The following AVEN variants were observed in gnomAD, a reference collection of about 807,000 sequenced individuals.
AVEN encodes apoptosis and caspase activation inhibitor.
A neutral mutation model predicts 38.1 loss-of-function variants in AVEN; 41 were observed. The observed-to-expected ratio is 1.08, with a 90% confidence interval of 0.84 to 1.40. The LOEUF is 1.40. Ranked by LOEUF, AVEN falls within the 40% of genes most tolerant of loss-of-function variation. AVEN has a pLI of 0.00. For missense variants in AVEN, 605 were observed against 438.8 expected, an observed-to-expected ratio of 1.38 and a Z score of -3.38; for synonymous variants, 206 against 171.8, an observed-to-expected ratio of 1.20 and a Z score of -1.56.
chr15:33,953,124 T>A lies in AVEN; in HGVS notation c.445+49908A>T, dbSNP rs568576954. ...CAAGGAGAACTACAAACCACTGCTC[T>A]ACGAAATAAAGAGGACACAAACAAG... On this transcript the variant is annotated intron_variant, in intron 2 of 5. Coordinates refer to ENST00000306730, the MANE Select transcript of AVEN (RefSeq NM_020371.3). 2.4e-3 allele frequency among the ~76,000 whole-genome samples: 369 copies of A among 152,096 alleles called. 3 individuals carry two copies. The highest frequency in any genetic ancestry group is 8.6e-3 in the African/African-American group (358 of 41,512).
At chr15:33,912,895 TTTTTTTTTTTTGA>T (rs1442453665) in intron 2 of AVEN, among the ~76,000 whole-genome samples, 1 of 152,032 alleles carries the variant, frequency 6.6e-6, no homozygotes, top group Non-Finnish European at 1.5e-5. Flanking sequence ...ATAATTTTTT[TTTTTTTTTTTTGA>T]GACAGAGTTT....
At position 33,866,614 on chromosome 15, in the gene AVEN, T is replaced by C. The variant is rs760267332; in HGVS notation, c.1088A>G (p.Ter363=). The C allele has an allele frequency of 1.9e-6, 3 of 1,611,956 alleles. No homozygotes were observed. The highest frequency in any genetic ancestry group is 8.5e-7 in the Non-Finnish European group (1 of 1,178,840). ...CTTCAGGCACTTTTTTTCCCCTTTTTAGGAAATCATGCTGTCCAACCAGTC... is the reference window on the plus strand; with the variant it reads ...CTTCAGGCACTTTTTTTCCCCTTTTCAGGAAATCATGCTGTCCAACCAGTC... ...LEDWLDSMIS[*] is the part of the protein sequence containing the mutation. Residue 363 remains the stop codon, a stop_retained_variant, in exon 6 of 6, where the codon TAA becomes TGA. Transcript: ENST00000306730.
chr15:34,066,656 T>C (rs1034428912), intron 3 of AVEN: 1 of 152,084 alleles, frequency 6.6e-6, no homozygotes, highest in Non-Finnish European at 1.5e-5. Context: ...AAATTTTAAA[T>C]ACCTGGGCAT....
intron 2 of AVEN, among the ~76,000 whole-genome samples, chr15:33,921,079 C>T (rs1372389769): frequency 6.6e-6 from 1 of 152,172 alleles, no homozygotes; most frequent in Non-Finnish European, 1.5e-5. Flanking sequence ...CCTGGCCCTT[C>T]CTCGTGTTTC....
chr15:34,021,573 G>A (rs906197980), intron 1 of AVEN, among the ~76,000 whole-genome samples: 4 of 152,170 alleles, frequency 2.6e-5, no homozygotes, highest in Admixed American at 1.3e-4. Flanking sequence ...ACTTACACAT[G>A]GCCGTGTAAG....
intron 2 of AVEN, among the ~76,000 whole-genome samples, chr15:33,898,571 C>CCT (rs55801318): frequency 0.71 from 107,092 of 151,762 alleles, 38,086 homozygotes; most frequent in African/African-American, 0.78. Flanking sequence ...GGCCTTCTTC[C>CCT]CTGTGTCTCT....
intron 5 of AVEN, among the ~76,000 whole-genome samples, chr15:34,053,326 A>G (rs1157165610): frequency 1.5e-5 from 2 of 133,540 alleles, no homozygotes; most frequent in Admixed American, 1.5e-4. Flanking sequence ...AAAAATATAT[A>G]TATATATATA....
At chr15:33,936,658 T>C (rs1276304958) in intron 2 of AVEN, among the ~76,000 whole-genome samples, 2 of 152,184 alleles carry the variant, frequency 1.3e-5, no homozygotes, top group African/African-American at 4.8e-5. Flanking sequence ...GCATGAGTGA[T>C]TTAATCAACT....
At chr15:33,989,961 T>G (rs1257921089) in intron 2 of AVEN, among the ~76,000 whole-genome samples, 3 of 151,242 alleles carry the variant, frequency 2.0e-5, no homozygotes, top group African/African-American at 7.3e-5. Context: ...CCCAGCACTT[T>G]GGGAGGCCAA....
chr15:34,073,012 CTT>C (rs1900659756), intron 1 of AVEN, among the ~76,000 whole-genome samples: 1 of 147,300 alleles, frequency 6.8e-6, no homozygotes, highest in Non-Finnish European at 1.5e-5. Flanking sequence ...TCCTTCTAGT[CTT>C]TTTTCTATGT....
intron 5 of AVEN, among the ~76,000 whole-genome samples, chr15:34,057,813 T>C (rs927974075): frequency 6.6e-6 from 1 of 152,312 alleles, no homozygotes; most frequent in African/African-American, 2.4e-5. Context: ...TTAATTAATG[T>C]CATACAGCAA....
At chr15:33,896,573 T>C (rs1264908818) in intron 2 of AVEN, among the ~76,000 whole-genome samples, 2 of 152,182 alleles carry the variant, frequency 1.3e-5, no homozygotes, top group African/African-American at 2.4e-5. Flanking sequence ...ACAATATCCA[T>C]GGTCTAAGCA....
intron 2 of AVEN, among the ~76,000 whole-genome samples, chr15:33,952,870 A>AG (rs934317375): frequency 6.6e-6 from 1 of 152,078 alleles, no homozygotes; most frequent in African/African-American, 2.4e-5. Context: ...AAAAAAAAAA[A>AG]AAACACTTCA....
chr15:33,921,227 G>A (rs946211795), intron 2 of AVEN, among the ~76,000 whole-genome samples: 2 of 152,224 alleles, frequency 1.3e-5, no homozygotes, highest in African/African-American at 4.8e-5. Context: ...GCTCCTAGTA[G>A]ATAAAGATTA....
chr15:33,860,333 C>G (rs971822722), intron 11 of AVEN, among the ~76,000 whole-genome samples: 1 of 151,908 alleles, frequency 6.6e-6, no homozygotes, highest in Non-Finnish European at 1.5e-5. Flanking sequence ...AGGAGACCAA[C>G]CAGGGAGAAG....
At chr15:33,917,820 GA>G (rs1893209050) in intron 2 of AVEN, among the ~76,000 whole-genome samples, 1 of 152,292 alleles carries the variant, frequency 6.6e-6, no homozygotes, top group East Asian at 1.9e-4. Context: ...GTAAGTGTGG[GA>G]GGGGGGTAAG....
intron 1 of AVEN, among the ~76,000 whole-genome samples, chr15:34,016,637 A>G (rs1897925378): frequency 6.6e-6 from 1 of 152,200 alleles, no homozygotes; most frequent in African/African-American, 2.4e-5. Flanking sequence ...CACTAACTAA[A>G]GCCAAGTGTC....
At chr15:33,920,140 G>T (rs1893336925) in intron 2 of AVEN, among the ~76,000 whole-genome samples, 1 of 152,110 alleles carries the variant, frequency 6.6e-6, no homozygotes, top group Admixed American at 6.5e-5. Context: ...GCAACAGGGT[G>T]CTAGAGTCAA....
Position 34,039,143 on chromosome 15 carries a change from G to T in AVEN, c.-97C>A. 4.0e-6 allele frequency: 4 copies of T among 995,044 alleles called. No homozygotes were observed. The highest frequency in any genetic ancestry group is 4.8e-6 in the Non-Finnish European group (4 of 826,450). 61.6% of individuals were successfully genotyped at this position (995,044 alleles called of 1,614,324 possible). A position where few individuals can be genotyped will look rare whatever the true frequency, so the allele number is the denominator to read the frequency against. On this transcript the variant is annotated 5_prime_UTR_variant, in exon 1 of 6. Transcript: ENST00000306730. ...CGGGCCGCACGGAGGAGCCGCGAGC[G>T]AAAGGCGCCCGGTAGCAGCGAGGCG...
Sources: allele counts gnomAD v4.1 joint callset (sites outside exome capture counted in the v4.1 genomes callset), GRCh38; gene constraint gnomAD v4.1.1; transcripts MANE v1.5; gene names NCBI Gene and HGNC (gene_info 2026-07-23, HGNC 2026-07-21).